The following ALCAM variants were observed in gnomAD, a reference collection of about 807,000 sequenced individuals.
ALCAM encodes activated leukocyte cell adhesion molecule.
In ALCAM, 30 loss-of-function variants were observed where a neutral mutation model predicts 70.9. The observed-to-expected ratio is 0.42, with a 90% CI of 0.32 to 0.57. ALCAM has a LOEUF of 0.57. Among genes scored for constraint, ALCAM ranks in the 20% least tolerant of loss-of-function variants. ALCAM has a pLI of 0.11. For missense variants in ALCAM, 591 were observed against 695.1 expected (o/e 0.85, Z 1.68); for synonymous variants, 249 against 242.5 (o/e 1.03, Z -0.25).
At chr3:105,560,529 A>T (rs1940609631) in intron 14 of ALCAM, among the ~76,000 whole-genome samples, 1 of 152,126 alleles carries the variant, frequency 6.6e-6, no homozygotes, top group Non-Finnish European at 1.5e-5. Context: ...AGCAGAAATT[A>T]TTCCTTTTGA....
intron 1 of ALCAM, among the ~76,000 whole-genome samples, chr3:105,485,335 G>C (rs758862430): frequency 2.0e-5 from 3 of 151,884 alleles, no homozygotes; most frequent in Non-Finnish European, 2.9e-5. Flanking sequence ...AAAGCTAGTA[G>C]ATAATCTAGT....
intron 1 of ALCAM, among the ~76,000 whole-genome samples, chr3:105,387,063 A>T (rs1935677759): frequency 6.6e-6 from 1 of 151,534 alleles, no homozygotes; most frequent in South Asian, 2.1e-4. Context: ...TTATTCTCCA[A>T]ATAGAAATCT....
chr3:105,528,905 T>C (rs1939771735), intron 3 of ALCAM, among the ~76,000 whole-genome samples: 1 of 152,094 alleles, frequency 6.6e-6, no homozygotes, highest in Admixed American at 6.6e-5. Flanking sequence ...ACCGAAACCA[T>C]TTGAGTCTTA....
intron 1 of ALCAM, among the ~76,000 whole-genome samples, chr3:105,420,889 A>C (rs1936633223): frequency 6.6e-6 from 1 of 151,496 alleles, no homozygotes. Flanking sequence ...GGAAAGTAAA[A>C]AGAGGGAGAT....
At chr3:105,515,091 T>A (rs1939346441) in intron 1 of ALCAM, among the ~76,000 whole-genome samples, 1 of 151,880 alleles carries the variant, frequency 6.6e-6, no homozygotes. Context: ...ACAGAGAACT[T>A]ACTTTATATA....
chr3:105,377,720 GCTAA>G (rs1935413142), intron 1 of ALCAM, among the ~76,000 whole-genome samples: 1 of 151,988 alleles, frequency 6.6e-6, no homozygotes, highest in Admixed American at 6.6e-5. Flanking sequence ...ACATAAGATT[GCTAA>G]CTTTTAGAAC....
chr3:105,452,106 T>C (rs1241346606), intron 1 of ALCAM, among the ~76,000 whole-genome samples: 1 of 152,210 alleles, frequency 6.6e-6, no homozygotes, highest in East Asian at 1.9e-4. Flanking sequence ...TTTGGTTTTT[T>C]TTTCTTCCAA....
At chr3:105,524,053 T>C (rs116126370) in intron 2 of ALCAM, among the ~76,000 whole-genome samples, 1 of 152,004 alleles carries the variant, frequency 6.6e-6, no homozygotes, top group Non-Finnish European at 1.5e-5. Context: ...ATCTTCTCAA[T>C]GAAAAAAAAA....
At chr3:105,378,155 AT>A (rs1293882626) in intron 1 of ALCAM, among the ~76,000 whole-genome samples, 4 of 151,882 alleles carry the variant, frequency 2.6e-5, no homozygotes, top group Non-Finnish European at 5.9e-5. Context: ...TTCACCTGTA[AT>A]TTTTTAACCC....
At chr3:105,488,394 C>T (rs1559808234) in intron 1 of ALCAM, among the ~76,000 whole-genome samples, 1 of 151,848 alleles carries the variant, frequency 6.6e-6, no homozygotes, top group Non-Finnish European at 1.5e-5. Flanking sequence ...GAAATGGAGA[C>T]CAGGAGAGCT....
chr3:105,437,676 AT>A (rs1276251579), intron 1 of ALCAM, among the ~76,000 whole-genome samples: 22 of 151,246 alleles, frequency 1.5e-4, no homozygotes, highest in Admixed American at 1.5e-3. Context: ...CTGATTGTAC[AT>A]TTTTTTTCCT....
At chr3:105,416,538 T>C (rs913116003) in intron 1 of ALCAM, among the ~76,000 whole-genome samples, 3 of 152,022 alleles carry the variant, frequency 2.0e-5, no homozygotes, top group Admixed American at 6.6e-5. Flanking sequence ...AGTTCAGCAA[T>C]TGCATATTAT....
chr3:105,557,895 A>C (rs1940553287), intron 14 of ALCAM, among the ~76,000 whole-genome samples: 2 of 152,254 alleles, frequency 1.3e-5, no homozygotes, highest in South Asian at 2.1e-4. Context: ...AGAAATTCTA[A>C]GGTTATAAAA....
chr3:105,368,476 A>G (rs1233767141), intron 1 of ALCAM, among the ~76,000 whole-genome samples: 1 of 151,440 alleles, frequency 6.6e-6, no homozygotes, highest in East Asian at 1.9e-4. Context: ...TTTTCTTTGA[A>G]GTTTTTTTTT....
rs150453397 is a variant in ALCAM, at chr3:105,460,675, C to T, written c.74-59392C>T. Among the ~76,000 whole-genome samples, 209 of 151,818 alleles carry T rather than the reference C, an allele frequency of 1.4e-3. 2 individuals are homozygous for T. Among genetic ancestry groups the T allele is most frequent in the African/African-American group, 4.9e-3 (203 of 41,448 alleles). ...GAAACACAGAGAAGGAAATGAATACCCCTTCTCCCATCATAACTCTTCTCT... is the reference window on the plus strand; with the variant it reads ...GAAACACAGAGAAGGAAATGAATACTCCTTCTCCCATCATAACTCTTCTCT... On this transcript the variant is annotated intron_variant, in intron 1 of 15. Transcript: ENST00000306107.
At chr3:105,404,611 T>G (rs1213938001) in intron 1 of ALCAM, among the ~76,000 whole-genome samples, 1 of 150,258 alleles carries the variant, frequency 6.7e-6, no homozygotes, top group Non-Finnish European at 1.5e-5. Context: ...AAATCCTCAA[T>G]ATACACAAAA....
chr3:105,457,665 T>C (rs1937552358), intron 1 of ALCAM, among the ~76,000 whole-genome samples: 1 of 152,054 alleles, frequency 6.6e-6, no homozygotes, highest in Non-Finnish European at 1.5e-5. Flanking sequence ...ACAAAGTACA[T>C]GTTGTGAACT....
chr3:105,500,918 A>G (rs1938901497), intron 1 of ALCAM, among the ~76,000 whole-genome samples: 1 of 152,176 alleles, frequency 6.6e-6, no homozygotes, highest in African/African-American at 2.4e-5. Context: ...TGCAGGAAAC[A>G]CCCAGGTTTT....
At chr3:105,393,595 T>C (rs191629187) in intron 1 of ALCAM, among the ~76,000 whole-genome samples, 8 of 152,040 alleles carry the variant, frequency 5.3e-5, no homozygotes, top group Admixed American at 4.6e-4. Context: ...CATATACTTA[T>C]ACTCACTCTT....
Sources: gnomAD v4.1 joint callset for allele counts (sites outside exome capture counted in the v4.1 genomes callset) on GRCh38, gnomAD v4.1.1 for gene constraint, MANE v1.5 for transcripts, NCBI Gene and HGNC (gene_info 2026-07-23, HGNC 2026-07-21) for gene names.